Variants in UNK observed in about 807,000 individuals in gnomAD.
UNK encodes the protein unk zinc finger, also known as RING finger protein unkempt homolog.
Under a neutral mutation model 97.6 loss-of-function variants are expected in UNK, and 32 were observed. The observed-to-expected ratio is 0.33, with a 90% CI of 0.25 to 0.44. UNK has a LOEUF of 0.44. Among genes scored for constraint, UNK ranks in the 20% least tolerant of loss-of-function variants. The pLI is 1.00. For synonymous variants in UNK, 441 were observed against 461.2 expected (o/e 0.96, Z 0.56); for missense variants, 771 against 1,098.4 (o/e 0.70, Z 4.21).
intron 15 of UNK, 148 bp downstream of exon 15, chr17:75,823,670 C>T (rs1214534758): frequency 1.6e-5 from 19 of 1,215,514 alleles, no homozygotes; most frequent in Non-Finnish European, 1.8e-5. Flanking sequence ...GGCCGGCCTG[C>T]TGGGAATGGG....
chr17:75,819,527 G>T lies in UNK; in HGVS notation c.1547-157G>T. 1.5e-6 allele frequency: 1 copy of T among 656,042 alleles called. No homozygotes were observed. The highest frequency in any genetic ancestry group is 2.7e-6 in the Non-Finnish European group (1 of 375,004). The allele number at this position is 656,042 out of a possible 1,614,324, so 40.6% of individuals were successfully genotyped here. A position where few individuals can be genotyped will look rare whatever the true frequency, so the allele number is the denominator to read the frequency against. On this transcript the variant is annotated intron_variant, in intron 11 of 15. Transcript: ENST00000589666. The surrounding 1 kb of genome is among the most constrained non-coding windows in gnomAD (Gnocchi z 5.4). The stretch of plus-strand genomic sequence containing the variant: ...GACGGTGTCAGAAGTCAGGAGTCAG[G>T]ATTGGCATAGGAAGCAGCTGAAGGA...
At position 75,784,991 on chromosome 17, in the gene UNK, A is replaced by T; in HGVS notation, c.104+7A>T. The T allele has an allele frequency of 4.8e-6, 6 of 1,259,316 alleles. No individual in the cohort carries two copies. Among genetic ancestry groups the T allele is most frequent in the Non-Finnish European group, 6.3e-6 (6 of 951,352 alleles). The allele number at this position is 1,259,316 out of a possible 1,614,324, so 78.0% of individuals were successfully genotyped here. A position where few individuals can be genotyped will look rare whatever the true frequency, so the allele number is the denominator to read the frequency against. ...AGAAACCGCAGCACTACACGTACGT[A>T]GAGCCCCCCCCCCCCCGCCGCGCGC... is the stretch of plus-strand genomic sequence containing the variant. On this transcript the variant is annotated splice_region_variant and intron_variant, in intron 1 of 15. Transcript: ENST00000589666.
intron 1 of UNK, among the ~76,000 whole-genome samples, chr17:75,791,168 C>A (rs1200042419): frequency 6.6e-6 from 1 of 152,122 alleles, no homozygotes; most frequent in Non-Finnish European, 1.5e-5. Context: ...TTTCTGGCCA[C>A]TTGGTGATTT....
chr17:75,796,893 TATTCTTA>T (rs1339323788), intron 1 of UNK, among the ~76,000 whole-genome samples: 4 of 152,180 alleles, frequency 2.6e-5, no homozygotes, highest in African/African-American at 7.2e-5. Context: ...AAACATACTT[TATTCTTA>T]AACTTAAAGA....
intron 1 of UNK, among the ~76,000 whole-genome samples, chr17:75,798,137 T>G (rs1158542683): frequency 6.6e-6 from 1 of 151,700 alleles, no homozygotes; most frequent in Admixed American, 6.6e-5. Context: ...ATGGCACGAT[T>G]TCGGCTCACT....
chr17:75,809,750 C>T lies in UNK; in HGVS notation c.105-10C>T. 1.9e-6 allele frequency: 3 copies of T among 1,597,732 alleles called. No homozygotes were observed. Among genetic ancestry groups the T allele is most frequent in the Non-Finnish European group, 2.6e-6 (3 of 1,172,690 alleles). On this transcript the variant is annotated splice_polypyrimidine_tract_variant and intron_variant, in intron 1 of 15. Transcript: ENST00000589666. ...CTCCCGGCCTGCCCCACGCGGGGCT[C>T]TCTCTGCAGGTACCTGAAAGAATTC...
chr17:75,819,445 T>C lies in UNK; in HGVS notation c.1547-239T>C. The C allele has an allele frequency of 1.8e-6, 1 of 560,398 alleles. No homozygotes were observed. 34.7% of individuals were successfully genotyped at this position (560,398 alleles called of 1,614,324 possible). ...CCCTGGATGGGGATGTGATTTCTCC[T>C]GGAAGTATCAAAGAAGATTCAGAAA... On this transcript the variant is annotated intron_variant, in intron 11 of 15. Transcript: ENST00000589666. This position sits in a 1 kb window ranked among gnomAD's most constrained non-coding sequence, Gnocchi z 5.4.
At chr17:75,800,461 G>C (rs1057397149) in intron 1 of UNK, among the ~76,000 whole-genome samples, 16 of 151,820 alleles carry the variant, frequency 1.1e-4, no homozygotes, top group African/African-American at 3.6e-4. Context: ...CCTTTGGGCT[G>C]GGCGCGGTGG....
At chr17:75,823,783 C>T (rs182414662) in intron 15 of UNK, among the ~76,000 whole-genome samples, 1 of 152,316 alleles carries the variant, frequency 6.6e-6, no homozygotes, top group African/African-American at 2.4e-5. Flanking sequence ...CTCACAAATG[C>T]CTGGGCCCCA....
intron 1 of UNK, among the ~76,000 whole-genome samples, chr17:75,795,117 G>A (rs558094913): frequency 1.3e-5 from 2 of 152,050 alleles, no homozygotes; most frequent in South Asian, 4.1e-4. Context: ...TCTTTGTAGC[G>A]CCTCCATCAT....
At chr17:75,805,360 A>G (rs1481381795) in intron 1 of UNK, among the ~76,000 whole-genome samples, 8 of 145,478 alleles carry the variant, frequency 5.5e-5, no homozygotes, top group Non-Finnish European at 1.2e-4. Context: ...GCGCCACTGC[A>G]CTCCAGCCTG....
intron 1 of UNK, chr17:75,794,315 C>A: frequency 2.4e-6 from 1 of 419,658 alleles, no homozygotes; most frequent in Non-Finnish European, 3.2e-6. Flanking sequence ...TTTGCTACTA[C>A]TGTTGTTTTT....
At chr17:75,788,226 C>G (rs2061731313) in intron 1 of UNK, among the ~76,000 whole-genome samples, 1 of 150,952 alleles carries the variant, frequency 6.6e-6, no homozygotes. Context: ...GTTGCCCAAG[C>G]TGGAGTGCAG....
Position 75,817,499 on chromosome 17 carries a change from C to T in UNK, c.1278C>T (p.Ala426=), listed in dbSNP as rs200757475. ...TCGAGAGGGAAGACCAGGTGGGAGC[C>T]GAGTACCTGAAAAATTTCAAATGCC... ...PGFEREDQVG[A]EYLKNFKCQA... Residue 426 remains alanine (A), a synonymous_variant, in exon 9 of 16, where the codon GCC becomes GCT. Coordinates refer to ENST00000589666, the MANE Select transcript of UNK (RefSeq NM_001080419.3). The surrounding 1 kb of genome is among the most constrained non-coding windows in gnomAD (Gnocchi z 5.8). The T allele has an allele frequency of 1.1e-5, 18 of 1,610,318 alleles. No homozygotes were observed. Among genetic ancestry groups the T allele is most frequent in the African/African-American group, 1.3e-5 (1 of 74,794 alleles).
intron 2 of UNK, among the ~76,000 whole-genome samples, chr17:75,811,655 T>C (rs1339921687): frequency 2.0e-5 from 3 of 152,114 alleles, no homozygotes; most frequent in African/African-American, 4.8e-5. Context: ...CATTGCCTTC[T>C]TCCTAGTGCA....
chr17:75,807,619 A>G (rs571545975), intron 1 of UNK, among the ~76,000 whole-genome samples: 93 of 152,156 alleles, frequency 6.1e-4, no homozygotes, highest in African/African-American at 2.1e-3. Context: ...CGCCCAGCTA[A>G]TTTTTGTATT....
In UNK at chr17:75,812,274, T is replaced by C. The variant is rs1190827095; in HGVS notation, c.477T>C (p.Pro159=). The C allele has an allele frequency of 1.2e-6, 2 of 1,611,784 alleles. No individual in the cohort carries two copies. The highest frequency in any genetic ancestry group is 4.5e-5 in the East Asian group (2 of 44,836). ...FAHGPHDLRS[P]VYDIRELQAM... ...ACGGGCCCCATGACCTCCGCTCCCC[T>C]GTCTACGACATCAGGTGGGCTGGGT... is the stretch of plus-strand genomic sequence containing the variant. The change falls in exon 3 of 16, where the codon CCT becomes CCC. Residue 159 remains proline (P), a synonymous_variant. Transcript: ENST00000589666.
Position 75,818,501 on chromosome 17 carries a change from C to T in UNK, c.1372-141C>T, listed in dbSNP as rs1033560542. 16 of 994,310 alleles carry T rather than the reference C, an allele frequency of 1.6e-5. No individual in the cohort carries two copies. Among genetic ancestry groups the T allele is most frequent in the African/African-American group, 4.9e-5 (3 of 61,044 alleles). The allele number at this position is 994,310 out of a possible 1,614,324, so 61.6% of individuals were successfully genotyped here. On this transcript the variant is annotated intron_variant, in intron 10 of 15. Transcript: ENST00000589666. This position sits in a 1 kb window ranked among gnomAD's most constrained non-coding sequence, Gnocchi z 5.1. ...GCTCTCAACAAGGTGTCGGGTGTGCCGGGGCCCATGTGGGCATGGGGGCAC... is the reference window on the plus strand; with the variant it reads ...GCTCTCAACAAGGTGTCGGGTGTGCTGGGGCCCATGTGGGCATGGGGGCAC...
rs2062035763 is a variant in UNK, at chr17:75,818,371, C to T, written c.1371+203C>T. On this transcript the variant is annotated intron_variant, in intron 10 of 15. Coordinates refer to ENST00000589666, the MANE Select transcript of UNK (RefSeq NM_001080419.3). The surrounding 1 kb of genome is among the most constrained non-coding windows in gnomAD (Gnocchi z 5.1). ...TCCTAGACTCAGTGGAGAAGGTGTT[C>T]CTGGAGCCTCTGCACTCTGCCAGGC... Among the ~76,000 whole-genome samples the T allele has an allele frequency of 6.6e-6, 1 of 152,140 alleles. No homozygotes were observed. Among genetic ancestry groups the T allele is most frequent in the African/African-American group, 2.4e-5 (1 of 41,442 alleles).
Sources: allele counts gnomAD v4.1 joint callset (sites outside exome capture counted in the v4.1 genomes callset), GRCh38; gene constraint gnomAD v4.1.1; non-coding constraint Gnocchi (gnomAD v3.1); transcripts MANE v1.5; gene names NCBI Gene and HGNC (gene_info 2026-07-23, HGNC 2026-07-21).